RAI1: variants seen among roughly 807,000 people sequenced by gnomAD.
RAI1 encodes retinoic acid-induced protein 1.
Under a neutral mutation model 123.8 loss-of-function variants are expected in RAI1, and 9 were observed. The ratio of observed to expected loss-of-function variants is 0.07; its 90% CI spans 0.04 to 0.13. The LOEUF is 0.13. Ranked by LOEUF, RAI1 falls within the 10% of genes least tolerant of loss-of-function variation. The pLI is 1.00. For missense variants in RAI1, 2,256 were observed against 2,545.8 expected (o/e 0.89, Z 2.45); for synonymous variants, 1,231 against 1,127.3 (o/e 1.09, Z -1.84).
chr17:17,700,128 C>T (rs772595498), intron 1 of RAI1, among the ~76,000 whole-genome samples: 14 of 152,276 alleles, frequency 9.2e-5, no homozygotes, highest in Non-Finnish European at 1.6e-4. Flanking sequence ...GAGACCGGGG[C>T]TGTGTGTCAC....
rs55841927 is a variant in RAI1 at position 17,717,432 on chromosome 17, C to T, written c.-148-6596C>T. 6.6e-3 allele frequency among the ~76,000 whole-genome samples: 1,010 copies of T among 152,180 alleles called. 4 individuals carry two copies. Among genetic ancestry groups the T allele is most frequent in the Non-Finnish European group, 0.011 (768 of 67,984 alleles). ...GCCAGGAACCAAGGGTGCCCAGGAC[C>T]GTGCCAGGGTGAGCAGGGCAGTGCT... On this transcript the variant is annotated intron_variant, in intron 1 of 5. Coordinates refer to ENST00000353383, the MANE Select transcript of RAI1 (RefSeq NM_030665.4).
At position 17,793,326 on chromosome 17, in the gene RAI1, ACCACCCCCACAGCCG is replaced by A; in HGVS notation, c.380_394del (p.Pro127_Pro131del). On this transcript the variant is annotated inframe_deletion, in exon 3 of 6. Coordinates refer to ENST00000353383, the MANE Select transcript of RAI1 (RefSeq NM_030665.4). ...TTCAGGCTTGGGGGGCCCCACAGCC[ACCACCCCCACAGCCG>A]CAGCCACTACCTGCAGGGGTGGCCA... is the stretch of plus-strand genomic sequence containing the variant. The A allele has an allele frequency of 6.2e-7, 1 of 1,612,384 alleles. No homozygotes were observed. Among genetic ancestry groups the A allele is most frequent in the Non-Finnish European group, 8.5e-7 (1 of 1,179,716 alleles).
chr17:17,809,871 T>A lies in RAI1; in HGVS notation c.5710-99T>A. On this transcript the variant is annotated intron_variant, in intron 5 of 5. Coordinates refer to ENST00000353383, the MANE Select transcript of RAI1 (RefSeq NM_030665.4). This position sits in a 1 kb window ranked among gnomAD's most constrained non-coding sequence, Gnocchi z 4.9. ...ACCCCAGCCGCGCTCTGGGGTCGCC[T>A]GGGTCTGGGGCTTAGGCGGGGGGCC... 2 of 1,525,788 alleles carry A rather than the reference T, an allele frequency of 1.3e-6. No individual in the cohort carries two copies. Among genetic ancestry groups the A allele is most frequent in the South Asian group, 2.4e-5 (2 of 83,344 alleles). The allele number at this position is 1,525,788 out of a possible 1,614,324, so 94.5% of individuals were successfully genotyped here.
rs1468833306 is a variant in RAI1, at chr17:17,795,344, C to G, written c.2396C>G (p.Pro799Arg). The change falls in exon 3 of 6, where the codon CCT (proline) becomes CGT (arginine). Residue 799 changes from proline to arginine, a missense_variant. By Grantham distance (103) the Pro-to-Arg change is moderately radical. Coordinates refer to ENST00000353383, the MANE Select transcript of RAI1 (RefSeq NM_030665.4). The surrounding 1 kb of genome is among the most constrained non-coding windows in gnomAD (Gnocchi z 5.9). ...ACLGFQEEDP[P>R]GEKVASLPGD... ...CTGGGCTTCCAGGAGGAGGACCCCC[C>G]TGGGGAGAAGGTGGCCTCGTTGCCC... The G allele has an allele frequency of 6.2e-7, 1 of 1,601,470 alleles. No individual in the cohort carries two copies. The highest frequency in any genetic ancestry group is 2.2e-5 in the East Asian group (1 of 44,624).
chr17:17,724,403 T>C (rs1331205824), intron 2 of RAI1, among the ~76,000 whole-genome samples: 1 of 117,628 alleles, frequency 8.5e-6, no homozygotes, highest in African/African-American at 3.3e-5. Context: ...ATTTCTTTCT[T>C]TCCTTTTTTT....
At chr17:17,715,716 C>G (rs566211405) in intron 1 of RAI1, among the ~76,000 whole-genome samples, 3 of 152,268 alleles carry the variant, frequency 2.0e-5, no homozygotes, top group Non-Finnish European at 4.4e-5. Context: ...TCCACAGATT[C>G]AGATGCCCCC....
chr17:17,792,881 A>T, intron 2 of RAI1, 52 bp from the exon 3 acceptor site: 2 of 304,080 alleles, frequency 6.6e-6, no homozygotes, highest in Non-Finnish European at 1.3e-5. Context: ...CTCCCTGCCC[A>T]TCCTCCCCTC....
chr17:17,692,439 T>C (rs571902938), intron 1 of RAI1, among the ~76,000 whole-genome samples: 5 of 152,300 alleles, frequency 3.3e-5, no homozygotes, highest in African/African-American at 1.2e-4. Flanking sequence ...CGCTAAGTCT[T>C]ATTAACTGCC....
chr17:17,770,206 G>A (rs1377538827), intron 2 of RAI1, among the ~76,000 whole-genome samples: 1 of 152,106 alleles, frequency 6.6e-6, no homozygotes, highest in Admixed American at 6.5e-5. Flanking sequence ...CTACCTGCGG[G>A]GTAGGGAGAC....
Position 17,785,002 on chromosome 17 carries a change from C to A in RAI1, c.-16-7931C>A, listed in dbSNP as rs893466621. Reference sequence around the variant, plus strand: ...CAGCCTTCCCTGATCACCTCCTCTCCCCACCCCCATGGGCCCCTGGGTGTC... The same window carrying A: ...CAGCCTTCCCTGATCACCTCCTCTCACCACCCCCATGGGCCCCTGGGTGTC... On this transcript the variant is annotated intron_variant, in intron 2 of 5. Transcript: ENST00000353383. 2.0e-5 allele frequency among the ~76,000 whole-genome samples: 3 copies of A among 152,082 alleles called. No homozygotes were observed. The East Asian group carries it at 5.8e-4, about 29-fold the overall frequency.
chr17:17,739,468 G>A (rs1916544381), intron 2 of RAI1, among the ~76,000 whole-genome samples: 1 of 152,220 alleles, frequency 6.6e-6, no homozygotes, highest in Admixed American at 6.5e-5. Flanking sequence ...GGAGAGATGG[G>A]GAGGGATAAG....
chr17:17,709,296 T>TTGCTGTC (rs1401847484), intron 1 of RAI1, among the ~76,000 whole-genome samples: 1 of 152,198 alleles, frequency 6.6e-6, no homozygotes, highest in African/African-American at 2.4e-5. Context: ...GCTTTGCTGT[T>TTGCTGTC]TGCTGTCTGC....
chr17:17,788,255 G>A (rs912960491), intron 2 of RAI1, among the ~76,000 whole-genome samples: 17 of 152,120 alleles, frequency 1.1e-4, no homozygotes, highest in South Asian at 2.1e-4. Flanking sequence ...TCTGCCCGAA[G>A]CAGGCCTCTC....
intron 1 of RAI1, among the ~76,000 whole-genome samples, chr17:17,716,845 G>A: frequency 6.6e-6 from 1 of 152,226 alleles, no homozygotes; most frequent in East Asian, 1.9e-4. Flanking sequence ...TGGGGCTGAT[G>A]TTGCCACTTA....
intron 2 of RAI1, among the ~76,000 whole-genome samples, chr17:17,788,042 T>C (rs1405975716): frequency 6.6e-6 from 1 of 152,120 alleles, no homozygotes; most frequent in Non-Finnish European, 1.5e-5. Flanking sequence ...GCCCTTCTGC[T>C]TCTCACCCCA....
Position 17,810,702 on chromosome 17 carries a change from C to A in RAI1, c.*721C>A, listed in dbSNP as rs2032727665. 4.9e-6 allele frequency: 2 copies of A among 405,132 alleles called. No homozygotes were observed. Among genetic ancestry groups the A allele is most frequent in the Admixed American group, 5.3e-5 (2 of 37,904 alleles). 25.1% of individuals were successfully genotyped at this position (405,132 alleles called of 1,614,324 possible). A position where few individuals can be genotyped will look rare whatever the true frequency, so the allele number is the denominator to read the frequency against. On this transcript the variant is annotated 3_prime_UTR_variant, in exon 6 of 6. Coordinates refer to ENST00000353383, the MANE Select transcript of RAI1 (RefSeq NM_030665.4). The surrounding 1 kb of genome is among the most constrained non-coding windows in gnomAD (Gnocchi z 4.6). The stretch of plus-strand genomic sequence containing the variant: ...TCCCCGAGTGTGGGCGGGACTGGGA[C>A]ACCCTTTGGCCTCTGTTTGTCCCCT...
chr17:17,795,201 G>A lies in RAI1; in HGVS notation c.2253G>A (p.Leu751=). 1 of 1,613,998 alleles carries A rather than the reference G, an allele frequency of 6.2e-7. No homozygotes were observed. The highest frequency in any genetic ancestry group is 8.5e-7 in the Non-Finnish European group (1 of 1,180,016). ...CCTTTGCCTGGCCAGAGGAAAACCTGGGGGATGCTTGTCCCAGGTGGGGAT... is the reference window on the plus strand; with the variant it reads ...CCTTTGCCTGGCCAGAGGAAAACCTAGGGGATGCTTGTCCCAGGTGGGGAT... ...ANPFAWPEEN[L]GDACPRWGLH... is the part of the protein sequence containing the mutation. The change falls in exon 3 of 6, where the codon CTG becomes CTA. Residue 751 remains leucine (L), a synonymous_variant. Coordinates refer to ENST00000353383, the MANE Select transcript of RAI1 (RefSeq NM_030665.4). This position sits in a 1 kb window ranked among gnomAD's most constrained non-coding sequence, Gnocchi z 5.9.
intron 2 of RAI1, chr17:17,782,198 C>T (rs1418260994): frequency 6.6e-6 from 1 of 152,070 alleles, no homozygotes; most frequent in Admixed American, 6.5e-5. Flanking sequence ...CGCTCAGAGT[C>T]CGGAGCCGCC....
intron 2 of RAI1, among the ~76,000 whole-genome samples, chr17:17,780,034 C>G (rs1399792151): frequency 6.9e-6 from 1 of 145,560 alleles, no homozygotes; most frequent in African/African-American, 2.6e-5. Context: ...CTCGGCCTCC[C>G]AAAGTGCTCG....
Sources: gnomAD v4.1 joint callset for allele counts (sites outside exome capture counted in the v4.1 genomes callset) on GRCh38, gnomAD v4.1.1 for gene constraint, Gnocchi (gnomAD v3.1) non-coding constraint, MANE v1.5 for transcripts, NCBI Gene and HGNC (gene_info 2026-07-23, HGNC 2026-07-21) for gene names.